Variants in FAM169A observed in about 807,000 individuals in gnomAD.
The protein encoded by FAM169A is family with sequence similarity 169 member A.
FAM169A carries 24 observed loss-of-function variants against 75.7 expected under a neutral mutation model. That is an observed-to-expected ratio of 0.32 (90% CI 0.23 to 0.45). The LOEUF (loss-of-function observed/expected upper bound fraction) is 0.45. Among genes scored for constraint, FAM169A ranks in the 20% least tolerant of loss-of-function variants. The pLI is 1.00. For synonymous variants in FAM169A, 271 were observed against 271.0 expected (o/e 1.00, Z 0.00); for missense variants, 673 against 784.0 (o/e 0.86, Z 1.69).
At chr5:74,855,550 T>C (rs1749664494) in intron 1 of FAM169A, among the ~76,000 whole-genome samples, 1 of 152,180 alleles carries the variant, frequency 6.6e-6, no homozygotes, top group South Asian at 2.1e-4. Context: ...TTGAGTACCT[T>C]TTCATATACC....
chr5:74,788,037 T>A lies in FAM169A; in HGVS notation c.1261-4903A>T, dbSNP rs1745784147. Among the ~76,000 whole-genome samples the A allele has an allele frequency of 2.6e-5, 4 of 152,282 alleles. No individual in the cohort carries two copies. The South Asian group carries it at 8.3e-4, about 32-fold the overall frequency. ...TCTCCCATCCTTCCCCAAGGAGACC[T>A]CTGGCCTTTTACCAGGGTAACTGTG... On this transcript the variant is annotated intron_variant, in intron 11 of 12. Transcript: ENST00000687041.
At chr5:74,821,256 T>C (rs1416788079) in intron 5 of FAM169A, among the ~76,000 whole-genome samples, 1 of 152,200 alleles carries the variant, frequency 6.6e-6, no homozygotes, top group Non-Finnish European at 1.5e-5. Context: ...CCGCCTCCCT[T>C]TCCCTATCTA....
intron 11 of FAM169A, among the ~76,000 whole-genome samples, chr5:74,786,739 A>G (rs1745714775): frequency 6.6e-6 from 1 of 152,188 alleles, no homozygotes; most frequent in Admixed American, 6.5e-5. Flanking sequence ...GTAGACAAAG[A>G]GCTGAAATTG....
At chr5:74,795,129 G>T (rs917519520) in intron 11 of FAM169A, among the ~76,000 whole-genome samples, 1 of 151,910 alleles carries the variant, frequency 6.6e-6, no homozygotes, top group African/African-American at 2.4e-5. Flanking sequence ...ATGGTGGGGG[G>T]AACCTGTAAT....
chr5:74,860,244 A>G (rs926987451), intron 1 of FAM169A, among the ~76,000 whole-genome samples: 1 of 152,254 alleles, frequency 6.6e-6, no homozygotes, highest in Non-Finnish European at 1.5e-5. Context: ...TTAATCAGGT[A>G]TATCACAAGC....
intron 6 of FAM169A, among the ~76,000 whole-genome samples, chr5:74,812,047 G>A (rs1223860041): frequency 2.0e-5 from 3 of 152,174 alleles, no homozygotes; most frequent in African/African-American, 7.2e-5. Context: ...AGAAGGCTTC[G>A]ACCATATTGG....
intron 5 of FAM169A, among the ~76,000 whole-genome samples, chr5:74,816,063 C>T (rs546057166): frequency 6.6e-6 from 1 of 152,278 alleles, no homozygotes; most frequent in Non-Finnish European, 1.5e-5. Flanking sequence ...TTGTGCAAGA[C>T]CCAAAAACCC....
intron 5 of FAM169A, among the ~76,000 whole-genome samples, chr5:74,816,777 T>G (rs1459042798): frequency 1.3e-5 from 2 of 152,208 alleles, no homozygotes; most frequent in Admixed American, 6.5e-5. Context: ...AATTTAGCAT[T>G]GCACATGTCA....
At chr5:74,848,292 T>C (rs1267283219) in intron 1 of FAM169A, among the ~76,000 whole-genome samples, 5 of 152,120 alleles carry the variant, frequency 3.3e-5, no homozygotes, top group Admixed American at 3.3e-4. Context: ...ATTTACTATA[T>C]AACAAGGAAC....
chr5:74,853,777 G>A (rs1430699311), intron 1 of FAM169A, among the ~76,000 whole-genome samples: 8 of 139,936 alleles, frequency 5.7e-5, no homozygotes, highest in South Asian at 4.5e-4. Context: ...GCGCCATCTC[G>A]GCTCACTGCA....
At chr5:74,854,631 A>T (rs775398861) in intron 1 of FAM169A, among the ~76,000 whole-genome samples, 3 of 152,086 alleles carry the variant, frequency 2.0e-5, no homozygotes, top group Non-Finnish European at 2.9e-5. Flanking sequence ...GCCTCTGGTG[A>T]CCATCACTCT....
At chr5:74,829,108 A>C (rs1748183291) in intron 5 of FAM169A, among the ~76,000 whole-genome samples, 1 of 152,232 alleles carries the variant, frequency 6.6e-6, no homozygotes, top group South Asian at 2.1e-4. Flanking sequence ...CAATTATTGT[A>C]AAACTCAGTA....
chr5:74,822,011 G>A lies in FAM169A; in HGVS notation c.491-7992C>T, dbSNP rs897710732. ...TTCACCTCAGAGTAGTCTCCAGGTCGTTGTATTTCTTACATGGTGACTAGC... is the reference window on the plus strand; with the variant it reads ...TTCACCTCAGAGTAGTCTCCAGGTCATTGTATTTCTTACATGGTGACTAGC... On this transcript the variant is annotated intron_variant, in intron 5 of 12. Coordinates refer to ENST00000687041, the MANE Select transcript of FAM169A (RefSeq NM_001376049.1). Among the ~76,000 whole-genome samples, 7 of 152,284 alleles carry A rather than the reference G, an allele frequency of 4.6e-5. No individual in the cohort carries two copies. In the East Asian group the frequency reaches 5.8e-4, roughly 13 times the overall value.
chr5:74,799,137 C>G (rs1746432731), intron 10 of FAM169A: 3 of 1,017,724 alleles, frequency 2.9e-6, no homozygotes, highest in Non-Finnish European at 4.7e-6. Flanking sequence ...CTCACGAACT[C>G]AAGGAGCACA....
chr5:74,795,969 G>A (rs1034461564), intron 11 of FAM169A, 61 bp downstream of exon 11: 1 of 1,524,542 alleles, frequency 6.6e-7, no homozygotes, highest in African/African-American at 1.4e-5. Context: ...AACAACATGT[G>A]ATTAAGAAAG....
intron 1 of FAM169A, among the ~76,000 whole-genome samples, chr5:74,859,287 CTTTTTTT>C (rs1020109342): frequency 2.3e-5 from 3 of 129,062 alleles, no homozygotes; most frequent in East Asian, 2.3e-4. Context: ...AAGGTTTTCT[CTTTTTTT>C]TTTTTTTTTT....
intron 5 of FAM169A, among the ~76,000 whole-genome samples, chr5:74,815,126 A>G (rs1747402447): frequency 6.6e-6 from 1 of 152,120 alleles, no homozygotes; most frequent in African/African-American, 2.4e-5. Context: ...GAGACTACCG[A>G]CTAATTTAAA....
chr5:74,860,827 T>TAAA (rs11293001), intron 1 of FAM169A, among the ~76,000 whole-genome samples: 20 of 71,640 alleles, frequency 2.8e-4, no homozygotes, highest in African/African-American at 1.9e-4. Context: ...AATGTAGCAC[T>TAAA]AAAAAAAAAA....
At chr5:74,822,850 CCCA>C (rs1194713171) in intron 5 of FAM169A, among the ~76,000 whole-genome samples, 2 of 152,094 alleles carry the variant, frequency 1.3e-5, no homozygotes, top group Non-Finnish European at 2.9e-5. Context: ...TTAACAGCCT[CCCA>C]CCAATACCTA....
Sources: gnomAD v4.1 joint callset for allele counts (sites outside exome capture counted in the v4.1 genomes callset) on GRCh38, gnomAD v4.1.1 for gene constraint, MANE v1.5 for transcripts, NCBI Gene and HGNC (gene_info 2026-07-23, HGNC 2026-07-21) for gene names.